The following PRKAR1B variants were observed in gnomAD, a reference collection of about 807,000 sequenced individuals.
The protein encoded by PRKAR1B is cAMP-dependent protein kinase type I-beta regulatory subunit.
A neutral mutation model predicts 46.5 loss-of-function variants in PRKAR1B; 22 were observed. The ratio of observed to expected loss-of-function variants is 0.47; its 90% confidence interval spans 0.34 to 0.68. The LOEUF is 0.68. PRKAR1B is among the 30% of genes least tolerant of loss of function. The probability of loss-of-function intolerance (pLI) is 0.01; values close to 1 mark genes in which losing one functional copy is unlikely to be tolerated. For synonymous variants in PRKAR1B, 259 were observed against 217.7 expected (o/e 1.19, Z -1.67); for missense variants, 445 against 535.6 (o/e 0.83, Z 1.67).
intron 9 of PRKAR1B, chr7:578,902 G>A (rs1020744684): frequency 1.8e-5 from 11 of 597,598 alleles, no homozygotes; most frequent in South Asian, 1.2e-4. Context: ...GGCTGGTCTC[G>A]AACTCCTGAC....
intron 2 of PRKAR1B, among the ~76,000 whole-genome samples, chr7:705,455 G>A (rs148502755): frequency 6.6e-6 from 1 of 152,104 alleles, no homozygotes; most frequent in African/African-American, 2.4e-5. Flanking sequence ...ACACGAGATA[G>A]GACAGACATT....
chr7:595,749 C>T (rs1000723596), intron 7 of PRKAR1B, among the ~76,000 whole-genome samples: 2 of 152,238 alleles, frequency 1.3e-5, no homozygotes, highest in African/African-American at 2.4e-5. Context: ...AAGAGTCAGT[C>T]CCCACACACA....
At chr7:663,524 ACCGTGCCCGG>A (rs1300477404) in intron 4 of PRKAR1B, among the ~76,000 whole-genome samples, 2 of 152,166 alleles carry the variant, frequency 1.3e-5, no homozygotes, top group Non-Finnish European at 2.9e-5. Flanking sequence ...GGCGTGAGCC[ACCGTGCCCGG>A]CCCATTCACT....
rs527502232 is a variant in PRKAR1B at position 609,032 on chromosome 7, T to C, written c.441-1580A>G. ...GTAGGGAGGGCCGGGGGGCCTCCACTGTCCTCCCACCTGGGGAGGGGTCAG... is the reference window on the plus strand; with the variant it reads ...GTAGGGAGGGCCGGGGGGCCTCCACCGTCCTCCCACCTGGGGAGGGGTCAG... On this transcript the variant is annotated intron_variant, in intron 4 of 10. Transcript: ENST00000537384. Among the ~76,000 whole-genome samples, 389 of 98,680 alleles carry C rather than the reference T, an allele frequency of 3.9e-3. 7 individuals carry two copies. Among genetic ancestry groups the C allele is most frequent in the African/African-American group, 0.012 (306 of 26,328 alleles). 64.7% of individuals were successfully genotyped at this position (98,680 alleles called of 152,430 possible).
intron 6 of PRKAR1B, among the ~76,000 whole-genome samples, chr7:597,552 G>A (rs1781334103): frequency 6.6e-6 from 1 of 152,352 alleles, no homozygotes; most frequent in African/African-American, 2.4e-5. Context: ...TCAGAAGACG[G>A]CCGTCCTTCC....
At chr7:622,991 GA>G (rs1216474775) in intron 4 of PRKAR1B, among the ~76,000 whole-genome samples, 6 of 152,152 alleles carry the variant, frequency 3.9e-5, no homozygotes, top group Non-Finnish European at 7.3e-5. Flanking sequence ...TTAAGGAAAG[GA>G]AGTGGCCTAA....
intron 7 of PRKAR1B, among the ~76,000 whole-genome samples, chr7:586,954 G>A (rs1780638227): frequency 1.3e-5 from 2 of 151,094 alleles, no homozygotes; most frequent in Non-Finnish European, 2.9e-5. Context: ...TGCGATCTCG[G>A]CTCACTGCAA....
upstream of PRKAR1B, chr7:727,339 C>T: frequency 8.2e-7 from 1 of 1,221,756 alleles, no homozygotes; most frequent in Non-Finnish European, 1.0e-6. Context: ...GCCCCGCTCC[C>T]ACACGCCACC....
chr7:720,701 C>T (rs1781041484), intron 1 of PRKAR1B, among the ~76,000 whole-genome samples: 1 of 152,154 alleles, frequency 6.6e-6, no homozygotes, highest in African/African-American at 2.4e-5. Flanking sequence ...TGTTATCTTC[C>T]CAGTGGGTTC....
chr7:639,524 A>AT (rs1784282628), intron 4 of PRKAR1B, among the ~76,000 whole-genome samples: 1 of 152,208 alleles, frequency 6.6e-6, no homozygotes, highest in Admixed American at 6.5e-5. Flanking sequence ...AAGCAAAGAG[A>AT]TTTTAGATGT....
chr7:615,238 A>C (rs1387035722), intron 4 of PRKAR1B, among the ~76,000 whole-genome samples: 1 of 150,670 alleles, frequency 6.6e-6, no homozygotes, highest in East Asian at 2.0e-4. Flanking sequence ...ATCCTGGCTA[A>C]CATGGTGAAA....
chr7:613,938 TC>T (rs1782664683), intron 4 of PRKAR1B, among the ~76,000 whole-genome samples: 1 of 151,838 alleles, frequency 6.6e-6, no homozygotes. Flanking sequence ...TGCTGGGAGG[TC>T]CCCGCAGGGG....
rs376030627 is a variant in PRKAR1B, at chr7:550,142, C to T, written c.*288G>A. On this transcript the variant is annotated 3_prime_UTR_variant, in exon 11 of 11. Transcript: ENST00000537384. ...GGAGACTGGCAGGGGTGGGGTGGGCCCCCCAGGAGAAGCCCACAGAGGCAG... is the reference window on the plus strand; with the variant it reads ...GGAGACTGGCAGGGGTGGGGTGGGCTCCCCAGGAGAAGCCCACAGAGGCAG... 7.3e-6 allele frequency: 3 copies of T among 411,600 alleles called. No homozygotes were observed. Among genetic ancestry groups the T allele is most frequent in the South Asian group, 4.8e-5 (2 of 41,372 alleles). The allele number at this position is 411,600 out of a possible 1,614,324, so 25.5% of individuals were successfully genotyped here. A position where few individuals can be genotyped will look rare whatever the true frequency, so the allele number is the denominator to read the frequency against.
At chr7:586,491 C>A (rs1780608127) in intron 7 of PRKAR1B, among the ~76,000 whole-genome samples, 1 of 152,228 alleles carries the variant, frequency 6.6e-6, no homozygotes, top group South Asian at 2.1e-4. Flanking sequence ...AGGAGCAGCA[C>A]CTTCCTGCCA....
At chr7:654,301 C>G (rs529938408) in intron 4 of PRKAR1B, among the ~76,000 whole-genome samples, 10 of 151,246 alleles carry the variant, frequency 6.6e-5, no homozygotes, top group African/African-American at 2.4e-4. Context: ...TCATCACCAT[C>G]TTTATCACCA....
Position 644,746 on chromosome 7 carries a change from A to AG in PRKAR1B, c.440+32482dup, listed in dbSNP as rs1784544643. ...GGCAAACCCCAGCTCTCCCTCCCAG[A>AG]GGGCAGGCACCAGGGCCAGACCCTT... On this transcript the variant is annotated intron_variant, in intron 4 of 10. Transcript: ENST00000537384. This position sits in a 1 kb window ranked among gnomAD's most constrained non-coding sequence, Gnocchi z 4.9. Among the ~76,000 whole-genome samples, 1 of 152,142 alleles carries AG rather than the reference A, an allele frequency of 6.6e-6. No individual in the cohort carries two copies. Among genetic ancestry groups the AG allele is most frequent in the African/African-American group, 2.4e-5 (1 of 41,448 alleles).
chr7:667,486 C>A lies in PRKAR1B; in HGVS notation c.440+9743G>T, dbSNP rs1303252572. Reference sequence around the variant, plus strand: ...TGCATAGGCGTGCCTGGGAATAAGACCACTCCAGCCCAACACCTGTGTGAT... The same window carrying A: ...TGCATAGGCGTGCCTGGGAATAAGAACACTCCAGCCCAACACCTGTGTGAT... On this transcript the variant is annotated intron_variant, in intron 4 of 10. Coordinates refer to ENST00000537384, the MANE Select transcript of PRKAR1B (RefSeq NM_001164760.2). This position sits in a 1 kb window ranked among gnomAD's most constrained non-coding sequence, Gnocchi z 4.3. Among the ~76,000 whole-genome samples the A allele has an allele frequency of 6.6e-6, 1 of 152,150 alleles. No homozygotes were observed. Among genetic ancestry groups the A allele is most frequent in the Non-Finnish European group, 1.5e-5 (1 of 68,032 alleles).
At chr7:631,997 T>C (rs1249909189) in intron 4 of PRKAR1B, among the ~76,000 whole-genome samples, 1 of 149,934 alleles carries the variant, frequency 6.7e-6, no homozygotes, top group African/African-American at 2.4e-5. Context: ...TGTGTCCCGA[T>C]CTAGAAAAAT....
At position 718,447 on chromosome 7, in the gene PRKAR1B, C is replaced by T. The variant is rs563571973; in HGVS notation, c.-22-6920G>A. On this transcript the variant is annotated intron_variant, in intron 1 of 10. Coordinates refer to ENST00000537384, the MANE Select transcript of PRKAR1B (RefSeq NM_001164760.2). ...TCTCAGCTCACTGCAACCTCTGGCT[C>T]CTGGGTTCAAGCAATTCTCCTGCCT... is the stretch of plus-strand genomic sequence containing the variant. Among the ~76,000 whole-genome samples, 9 of 151,354 alleles carry T rather than the reference C, an allele frequency of 5.9e-5. No homozygotes were observed. In the South Asian group the frequency reaches 1.7e-3, roughly 28 times the overall value.
Sources: gnomAD v4.1 joint callset for allele counts (sites outside exome capture counted in the v4.1 genomes callset) on GRCh38, gnomAD v4.1.1 for gene constraint, Gnocchi (gnomAD v3.1) non-coding constraint, MANE v1.5 for transcripts, NCBI Gene and HGNC (gene_info 2026-07-23, HGNC 2026-07-21) for gene names.